The following IL6R variants were observed in gnomAD, a reference collection of about 807,000 sequenced individuals.
IL6R encodes the protein interleukin 6 receptor, also known as interleukin-6 receptor subunit alpha.
Under a neutral mutation model 48.3 loss-of-function variants are expected in IL6R, and 38 were observed. The observed-to-expected ratio is 0.79, with a 90% CI of 0.61 to 1.03. The LOEUF (loss-of-function observed/expected upper bound fraction) is 1.03. Ranked by LOEUF, IL6R falls within the 50% of genes least tolerant of loss-of-function variation. IL6R has a pLI of 0.00. For synonymous variants in IL6R, 264 were observed against 256.2 expected (o/e 1.03, Z -0.29); for missense variants, 534 against 618.3 (o/e 0.86, Z 1.45).
At chr1:154,419,668 C>T (rs1451104905) in intron 1 of IL6R, among the ~76,000 whole-genome samples, 4 of 152,144 alleles carry the variant, frequency 2.6e-5, no homozygotes, top group African/African-American at 4.8e-5. Context: ...CCTGTGTCCT[C>T]GGTGGCAGGC....
intron 9 of IL6R, among the ~76,000 whole-genome samples, chr1:154,460,088 AG>A (rs1208088528): frequency 6.6e-6 from 1 of 152,174 alleles, no homozygotes; most frequent in African/African-American, 2.4e-5. Flanking sequence ...TCTAAAAAAG[AG>A]TGAGAGTTTT....
chr1:154,415,545 T>C (rs926365824), intron 1 of IL6R, among the ~76,000 whole-genome samples: 6 of 152,268 alleles, frequency 3.9e-5, no homozygotes, highest in African/African-American at 7.2e-5. Flanking sequence ...ATTAGCTATA[T>C]AACCTCAGTC....
intron 1 of IL6R, among the ~76,000 whole-genome samples, chr1:154,412,193 C>T (rs1489674488): frequency 2.0e-5 from 3 of 151,706 alleles, no homozygotes; most frequent in Non-Finnish European, 1.5e-5. Context: ...GTGATCTGCC[C>T]ACCTCGTCCT....
At chr1:154,453,076 G>A (rs771008768) in intron 8 of IL6R, among the ~76,000 whole-genome samples, 25 of 152,094 alleles carry the variant, frequency 1.6e-4, no homozygotes, top group Non-Finnish European at 2.5e-4. Flanking sequence ...ATGGTGGCAT[G>A]TGCCTATTGT....
chr1:154,458,712 C>A (rs928944670), intron 9 of IL6R, among the ~76,000 whole-genome samples: 4 of 152,060 alleles, frequency 2.6e-5, no homozygotes, highest in Non-Finnish European at 2.9e-5. Flanking sequence ...ACCAGCCTGG[C>A]CAACGTGGAG....
intron 1 of IL6R, chr1:154,414,537 TGAA>T: frequency 2.6e-6 from 2 of 770,784 alleles, no homozygotes; most frequent in Non-Finnish European, 4.5e-6. Context: ...TTGGGTGTGT[TGAA>T]GAAGAGGATC....
At chr1:154,451,693 C>A (rs550385465) in intron 8 of IL6R, among the ~76,000 whole-genome samples, 1 of 151,874 alleles carries the variant, frequency 6.6e-6, no homozygotes, top group Non-Finnish European at 1.5e-5. Context: ...TGCACCACCA[C>A]GCCTGGCTAA....
chr1:154,455,687 C>T (rs528510095), intron 9 of IL6R, among the ~76,000 whole-genome samples: 89 of 150,426 alleles, frequency 5.9e-4, no homozygotes, highest in African/African-American at 2.1e-3. Context: ...CTCCTGACCT[C>T]GTGATCCGCC....
At chr1:154,460,829 G>A (rs185635055) in intron 9 of IL6R, among the ~76,000 whole-genome samples, 2 of 152,290 alleles carry the variant, frequency 1.3e-5, no homozygotes, top group Admixed American at 6.5e-5. Flanking sequence ...CTTAGCGGGT[G>A]TTCTCCCCGT....
At chr1:154,412,882 T>C (rs972470703) in intron 1 of IL6R, among the ~76,000 whole-genome samples, 2 of 151,534 alleles carry the variant, frequency 1.3e-5, no homozygotes, top group Admixed American at 1.3e-4. Context: ...TATATCTGAA[T>C]CCTGGGCTTG....
chr1:154,407,745 C>G (rs1006847920), intron 1 of IL6R, among the ~76,000 whole-genome samples: 3 of 152,138 alleles, frequency 2.0e-5, no homozygotes, highest in African/African-American at 7.2e-5. Flanking sequence ...TCGGGATCAG[C>G]TGCCGCCCAC....
chr1:154,422,234 G>A (rs550441826), intron 1 of IL6R, among the ~76,000 whole-genome samples: 91 of 152,310 alleles, frequency 6.0e-4, no homozygotes, highest in Non-Finnish European at 9.6e-4. Context: ...GAGCCACGGC[G>A]CCTGGTGACT....
At chr1:154,423,918 C>T (rs2149225996) in intron 1 of IL6R, among the ~76,000 whole-genome samples, 1 of 152,290 alleles carries the variant, frequency 6.6e-6, no homozygotes. Context: ...TTAGTGAGTG[C>T]AGGAGCAGAA....
chr1:154,467,298 G>C lies in IL6R; in HGVS notation c.*1918G>C, dbSNP rs1408408331. The C allele has an allele frequency of 6.6e-6, 1 of 152,160 alleles. No homozygotes were observed. Among genetic ancestry groups the C allele is most frequent in the Non-Finnish European group, 1.5e-5 (1 of 68,036 alleles). 9.4% of individuals were successfully genotyped at this position (152,160 alleles called of 1,614,324 possible). A position where few individuals can be genotyped will look rare whatever the true frequency, so the allele number is the denominator to read the frequency against. ...TCTGTCCGAGCTTTGAAAATTCAGT[G>C]GTGTTAGTGGTTACCCAGTTAGCTC... On this transcript the variant is annotated 3_prime_UTR_variant, in exon 10 of 10. Coordinates refer to ENST00000368485, the MANE Select transcript of IL6R (RefSeq NM_000565.4).
chr1:154,457,527 T>C (rs999110903), intron 9 of IL6R, among the ~76,000 whole-genome samples: 4 of 152,116 alleles, frequency 2.6e-5, no homozygotes, highest in Non-Finnish European at 4.4e-5. Flanking sequence ...TCAGGCTGAG[T>C]TGCACCCTGG....
In IL6R at chr1:154,468,101, G is replaced by T. The variant is rs1387483412; in HGVS notation, c.*2721G>T. The T allele has an allele frequency of 1.3e-5, 2 of 152,146 alleles. No homozygotes were observed. Among genetic ancestry groups the T allele is most frequent in the Admixed American group, 6.6e-5 (1 of 15,266 alleles). The allele number at this position is 152,146 out of a possible 1,614,324, so 9.4% of individuals were successfully genotyped here. ...TTTTGTTTTTGTATTGAAGAGGGTT[G>T]TTTTCCCTTTATTTTTCATAAGCTA... On this transcript the variant is annotated 3_prime_UTR_variant, in exon 10 of 10. Transcript: ENST00000368485.
rs142233775 is a variant in IL6R, at chr1:154,425,463, C to T, written c.86-3733C>T. Among the ~76,000 whole-genome samples, 296 of 152,268 alleles carry T rather than the reference C, an allele frequency of 1.9e-3. 1 individual carries two copies. The highest frequency in any genetic ancestry group is 6.9e-3 in the African/African-American group (287 of 41,540). On this transcript the variant is annotated intron_variant, in intron 1 of 9. Coordinates refer to ENST00000368485, the MANE Select transcript of IL6R (RefSeq NM_000565.4). ...CATAGCAGTGAGACTGAACGAACTA[C>T]GTGTCAGTGAATCAGAGAAACATAT...
At chr1:154,454,137 G>A in intron 8 of IL6R, 1 of 308,438 alleles carries the variant, frequency 3.2e-6, no homozygotes, top group Non-Finnish European at 6.2e-6. Context: ...CCTTGTGGGA[G>A]CAGGTGGAAT....
intron 1 of IL6R, among the ~76,000 whole-genome samples, chr1:154,420,152 A>G (rs1286034753): frequency 6.6e-6 from 1 of 152,146 alleles, no homozygotes; most frequent in African/African-American, 2.4e-5. Flanking sequence ...TTCTGAGGGC[A>G]CTGGGATGAT....
Sources: allele counts gnomAD v4.1 joint callset (sites outside exome capture counted in the v4.1 genomes callset), GRCh38; gene constraint gnomAD v4.1.1; transcripts MANE v1.5; gene names NCBI Gene and HGNC (gene_info 2026-07-23, HGNC 2026-07-21).